Variants in STMN2 observed in about 807,000 individuals in gnomAD.
The protein encoded by STMN2 is stathmin-2.
Under a neutral mutation model 24.1 loss-of-function variants are expected in STMN2, and 2 were observed. That is an observed-to-expected ratio of 0.08 (90% confidence interval 0.03 to 0.26). The LOEUF (loss-of-function observed/expected upper bound fraction) is 0.26, where lower values mean the gene tolerates loss of function less well. STMN2 is among the 10% of genes least tolerant of loss of function. STMN2 has a pLI of 1.00. For synonymous variants in STMN2, 83 were observed against 77.5 expected (o/e 1.07, Z -0.37); for missense variants, 114 against 213.6 (o/e 0.53, Z 2.91).
intron 4 of STMN2, among the ~76,000 whole-genome samples, chr8:79,655,973 G>A (rs967552632): frequency 3.9e-5 from 6 of 152,136 alleles, no homozygotes; most frequent in African/African-American, 1.4e-4. Context: ...TGTCATCAGA[G>A]CCCTGAGAGT....
intron 1 of STMN2, among the ~76,000 whole-genome samples, chr8:79,617,004 A>C (rs1809396442): frequency 6.6e-6 from 1 of 152,240 alleles, no homozygotes; most frequent in African/African-American, 2.4e-5. Flanking sequence ...ACTATCATTT[A>C]TGAATAGCAA....
At position 79,616,507 on chromosome 8, in the gene STMN2, AT is replaced by A; in HGVS notation, c.19+5297del. 2.0e-5 allele frequency among the ~76,000 whole-genome samples: 3 copies of A among 152,264 alleles called. 1 individual carries two copies. The East Asian group carries it at 5.8e-4, about 29-fold the overall frequency. The stretch of plus-strand genomic sequence containing the variant: ...TTGATGTGCATATGAATTACCTTTG[AT>A]TTTCATTAAAATGCAAATTCTGATT... On this transcript the variant is annotated intron_variant, in intron 1 of 4. Transcript: ENST00000220876.
intron 1 of STMN2, among the ~76,000 whole-genome samples, chr8:79,631,916 A>C (rs183546376): frequency 6.6e-6 from 1 of 152,338 alleles, no homozygotes; most frequent in Non-Finnish European, 1.5e-5. Context: ...CCAAAAATGA[A>C]CTTCAAGGTA....
At chr8:79,627,984 T>C (rs986951611) in intron 1 of STMN2, among the ~76,000 whole-genome samples, 2 of 152,200 alleles carry the variant, frequency 1.3e-5, no homozygotes, top group South Asian at 4.1e-4. Context: ...TAGCACATTT[T>C]CTTTATTAAT....
intron 4 of STMN2, among the ~76,000 whole-genome samples, chr8:79,660,628 A>G (rs1171175317): frequency 6.6e-6 from 1 of 152,182 alleles, no homozygotes; most frequent in Non-Finnish European, 1.5e-5. Context: ...TCTTTCCCTA[A>G]GAGGTAATTT....
At chr8:79,628,163 T>G (rs1237000728) in intron 1 of STMN2, among the ~76,000 whole-genome samples, 2 of 151,896 alleles carry the variant, frequency 1.3e-5, no homozygotes, top group African/African-American at 4.8e-5. Flanking sequence ...TTTTTTTTAT[T>G]TTTTATTTTT....
At chr8:79,645,084 G>A (rs1810190835) in intron 3 of STMN2, among the ~76,000 whole-genome samples, 1 of 152,054 alleles carries the variant, frequency 6.6e-6, no homozygotes, top group Non-Finnish European at 1.5e-5. Context: ...GAACCCAGGA[G>A]GTGGAGGTTG....
At position 79,665,020 on chromosome 8, in the gene STMN2, T is replaced by TA. The variant is rs1232185286; in HGVS notation, c.*154dup. The TA allele has an allele frequency of 2.0e-5, 14 of 704,094 alleles. No individual in the cohort carries two copies. Among genetic ancestry groups the TA allele is most frequent in the South Asian group, 4.2e-5 (1 of 23,836 alleles). 43.6% of individuals were successfully genotyped at this position (704,094 alleles called of 1,614,324 possible). On this transcript the variant is annotated 3_prime_UTR_variant, in exon 5 of 5. Coordinates refer to ENST00000220876, the MANE Select transcript of STMN2 (RefSeq NM_007029.4). ...AAAAAAAACAAAAAAAATCAAAAATTAAAAAAAATCAATGCGGTCTCTTTG... is the reference window on the plus strand; with the variant it reads ...AAAAAAAACAAAAAAAATCAAAAATTAAAAAAAAATCAATGCGGTCTCTTTG...
At chr8:79,650,113 T>C (rs1405046652) in intron 3 of STMN2, among the ~76,000 whole-genome samples, 1 of 152,230 alleles carries the variant, frequency 6.6e-6, no homozygotes, top group Non-Finnish European at 1.5e-5. Flanking sequence ...TATTTTGCCT[T>C]GACATTTGCA....
chr8:79,629,113 A>G (rs929328306), intron 1 of STMN2, among the ~76,000 whole-genome samples: 1 of 152,178 alleles, frequency 6.6e-6, no homozygotes, highest in African/African-American at 2.4e-5. Flanking sequence ...ATGGATGCTG[A>G]GGATAATTAC....
At chr8:79,648,215 C>G (rs1222368384) in intron 3 of STMN2, among the ~76,000 whole-genome samples, 1 of 152,128 alleles carries the variant, frequency 6.6e-6, no homozygotes, top group Non-Finnish European at 1.5e-5. Context: ...TCCGTATGTC[C>G]TCCTTTGTCA....
At chr8:79,621,918 G>C (rs970927879) in intron 1 of STMN2, among the ~76,000 whole-genome samples, 2 of 152,158 alleles carry the variant, frequency 1.3e-5, no homozygotes, top group Non-Finnish European at 2.9e-5. Flanking sequence ...AGGTGTTAGG[G>C]CTCAGTTTAA....
chr8:79,664,886 G>T lies in STMN2; in HGVS notation c.*12G>T, dbSNP rs199664953. ...AACTGTCTGGCTGAAGCAAGGGAGG[G>T]TCTGGCACGCCCCACCAATAGTAAA... On this transcript the variant is annotated 3_prime_UTR_variant, in exon 5 of 5. Transcript: ENST00000220876. 27 of 1,611,670 alleles carry T rather than the reference G, an allele frequency of 1.7e-5. No individual in the cohort carries two copies. Among genetic ancestry groups the T allele is most frequent in the Non-Finnish European group, 2.3e-5 (27 of 1,178,942 alleles).
At chr8:79,660,759 G>C (rs1806484423) in intron 4 of STMN2, among the ~76,000 whole-genome samples, 1 of 152,010 alleles carries the variant, frequency 6.6e-6, no homozygotes, top group African/African-American at 2.4e-5. Flanking sequence ...TACCCAAGCA[G>C]TGTACACTGT....
chr8:79,657,819 A>G (rs1361134273), intron 4 of STMN2, among the ~76,000 whole-genome samples: 3 of 152,248 alleles, frequency 2.0e-5, no homozygotes, highest in Non-Finnish European at 2.9e-5. Context: ...TACTAAAACT[A>G]CTTTGCTTTT....
chr8:79,644,357 T>C (rs553084224), intron 3 of STMN2, among the ~76,000 whole-genome samples: 2 of 152,360 alleles, frequency 1.3e-5, no homozygotes, highest in East Asian at 1.9e-4. Context: ...TTAATTTCAA[T>C]AGTCAGTTCC....
chr8:79,643,450 G>A (rs185975759), intron 3 of STMN2, among the ~76,000 whole-genome samples: 2 of 152,120 alleles, frequency 1.3e-5, no homozygotes, highest in Admixed American at 6.6e-5. Flanking sequence ...TATAGGCACT[G>A]GGTAGAGATA....
At chr8:79,616,120 T>C (rs1187778940) in intron 1 of STMN2, among the ~76,000 whole-genome samples, 1 of 152,174 alleles carries the variant, frequency 6.6e-6, no homozygotes, top group Admixed American at 6.5e-5. Flanking sequence ...AACAGGCAGG[T>C]ATGTGATACT....
At chr8:79,619,873 TTTA>T (rs1192127145) in intron 1 of STMN2, among the ~76,000 whole-genome samples, 1 of 152,192 alleles carries the variant, frequency 6.6e-6, no homozygotes, top group African/African-American at 2.4e-5. Flanking sequence ...AAATTATCTT[TTTA>T]TTATATTTCT....
Sources: allele counts gnomAD v4.1 joint callset (sites outside exome capture counted in the v4.1 genomes callset), GRCh38; gene constraint gnomAD v4.1.1; transcripts MANE v1.5; gene names NCBI Gene and HGNC (gene_info 2026-07-23, HGNC 2026-07-21).